The following XKRX variants were observed in gnomAD, a reference collection of about 807,000 sequenced individuals.
The protein encoded by XKRX is XK-related protein 2.
In XKRX, 11 loss-of-function variants were observed where a neutral mutation model predicts 22.4. The observed-to-expected ratio is 0.49, with a 90% CI of 0.31 to 0.81. The LOEUF (loss-of-function observed/expected upper bound fraction) is 0.81, where lower values mean the gene tolerates loss of function less well. XKRX is among the 40% of genes least tolerant of loss of function. The pLI is 0.05. For synonymous variants in XKRX, 114 were observed against 132.2 expected, an observed-to-expected ratio of 0.86 and a Z score of 0.94; for missense variants, 320 against 336.5, an observed-to-expected ratio of 0.95 and a Z score of 0.38.
intron 2 of XKRX, among the ~76,000 whole-genome samples, chrX:100,920,359 T>C (rs964135712): frequency 1.8e-5 from 2 of 111,266 alleles, no homozygotes; most frequent in Non-Finnish European, 3.8e-5. Flanking sequence ...TGACAGAATG[T>C]TTCATACAGT....
rs73563416 is a variant in XKRX at position 100,916,225 on chromosome X, C to A, written c.605-1142G>T. ...TCACATTGTACACCTTGAATATATA[C>A]AATAAAACAAAATAGATGCACAAAA... On this transcript the variant is annotated intron_variant, in intron 2 of 2. Transcript: ENST00000372956. 3.6e-3 allele frequency among the ~76,000 whole-genome samples: 394 copies of A among 110,876 alleles called. 2 individuals are homozygous for A. The highest frequency in any genetic ancestry group is 0.012 in the African/African-American group (380 of 30,500).
the XKRX span, chrX:100,887,524 G>C: frequency 2.2e-6 from 1 of 451,463 alleles, no homozygotes; most frequent in African/African-American, 2.4e-5. Context: ...CTTCTTTGTA[G>C]CAGCTAGGCC....
the XKRX span, among the ~76,000 whole-genome samples, chrX:100,902,705 T>C: frequency 9.0e-6 from 1 of 110,694 alleles, no homozygotes. Flanking sequence ...GATAAAAATG[T>C]TTGACAAACT....
chrX:100,910,585 T>TAAAA, downstream of XKRX: 2 of 153,411 alleles, frequency 1.3e-5, no homozygotes, highest in Non-Finnish European at 1.1e-5. Flanking sequence ...AATTCCGTCT[T>TAAAA]AAAAAAAAAA....
chrX:100,957,197 T>C, the XKRX span: 1 of 1,050,284 alleles, frequency 9.5e-7, no homozygotes, highest in Non-Finnish European at 1.3e-6. Flanking sequence ...TTTGGAGAGA[T>C]TTTGGCTTTG....
chrX:100,910,955 CG>C (rs920107904), downstream of XKRX: 4 of 560,467 alleles, frequency 7.1e-6, no homozygotes, highest in Admixed American at 9.4e-5. Flanking sequence ...AAAGACTCCA[CG>C]GGGATCAGTA....
the XKRX span, chrX:100,957,620 C>G: frequency 1.9e-6 from 1 of 527,320 alleles, no homozygotes; most frequent in Non-Finnish European, 3.1e-6. Flanking sequence ...GATGCAGTGC[C>G]TCTTTTGGAG....
chrX:100,949,746 A>G, the XKRX span, among the ~76,000 whole-genome samples: 2 of 111,917 alleles, frequency 1.8e-5, no homozygotes, highest in Non-Finnish European at 3.8e-5. Flanking sequence ...ACCAAGAATC[A>G]GAAAAATCTC....
the XKRX span, among the ~76,000 whole-genome samples, chrX:100,935,661 C>G: frequency 4.5e-5 from 5 of 112,202 alleles, no homozygotes; most frequent in Admixed American, 4.7e-4. Flanking sequence ...CAGGCCAAGA[C>G]TCTTCCTTCC....
intron 2 of XKRX, among the ~76,000 whole-genome samples, chrX:100,917,135 A>T (rs2085440280): frequency 9.1e-6 from 1 of 109,631 alleles, no homozygotes; most frequent in African/African-American, 3.3e-5. Context: ...AAAGAAAAAA[A>T]AATTAGCCAG....
intron 2 of XKRX, among the ~76,000 whole-genome samples, chrX:100,917,665 GAAAGA>G (rs1556193714): frequency 2.1e-5 from 1 of 47,288 alleles, no homozygotes; most frequent in South Asian, 1.4e-3. Flanking sequence ...AAGAAAGAAA[GAAAGA>G]AAGAAAAGAA....
chrX:100,928,528 T>G lies in XKRX; in HGVS notation c.-224A>C. On this transcript the variant is annotated 5_prime_UTR_variant, in exon 1 of 3. Transcript: ENST00000372956. The stretch of plus-strand genomic sequence containing the variant: ...AAAGCCCAGGAGTACCACTTTGAAC[T>G]TGACTCTTGATTGGCCCCGATTCCA... The G allele has an allele frequency of 9.7e-7, 1 of 1,030,252 alleles. No individual in the cohort carries two copies. The highest frequency in any genetic ancestry group is 3.6e-5 in the South Asian group (1 of 27,830). 84.9% of individuals were successfully genotyped at this position (1,030,252 alleles called of 1,213,427 possible). A position where few individuals can be genotyped will look rare whatever the true frequency, so the allele number is the denominator to read the frequency against.
Position 100,917,718 on chromosome X carries a change from G to GAACGAAAGAAAGAA in XKRX, c.605-2636_605-2635insTTCTTTCTTTCGTT, listed in dbSNP as rs2085451504. 1.7e-4 allele frequency among the ~76,000 whole-genome samples: 15 copies of GAACGAAAGAAAGAA among 85,760 alleles called. 1 individual carries two copies. Among genetic ancestry groups the GAACGAAAGAAAGAA allele is most frequent in the African/African-American group, 5.2e-4 (14 of 26,955 alleles). 74.5% of individuals were successfully genotyped at this position (85,760 alleles called of 115,157 possible). On this transcript the variant is annotated intron_variant, in intron 2 of 2. Coordinates refer to ENST00000372956, the MANE Select transcript of XKRX (RefSeq NM_212559.3). ...AGAAAGAAAGAAAGAAAGAAAGAAA[G>GAACGAAAGAAAGAA]AAAGAAATCCTTGGTTCAGCTGTAT...
chrX:100,911,942 T>C (rs1319182362), downstream of XKRX, among the ~76,000 whole-genome samples: 1 of 111,751 alleles, frequency 8.9e-6, no homozygotes, highest in African/African-American at 3.3e-5. Flanking sequence ...GGGGAGAATA[T>C]ACAGAAGGAA....
In XKRX at chrX:100,923,138, T is replaced by A. The variant is rs144171614; in HGVS notation, c.336-77A>T. On this transcript the variant is annotated intron_variant, in intron 1 of 2. Coordinates refer to ENST00000372956, the MANE Select transcript of XKRX (RefSeq NM_212559.3). ...GGTTGTAGTGAGGGAAAAAAATAAC[T>A]TGGGGAGGTTGTGCTACTTTATTTT... is the stretch of plus-strand genomic sequence containing the variant. 291 of 1,116,306 alleles carry A rather than the reference T, an allele frequency of 2.6e-4. 1 individual carries two copies. The African/African-American group carries it at 4.8e-3, about 19-fold the overall frequency. 92.0% of individuals were successfully genotyped at this position (1,116,306 alleles called of 1,213,427 possible).
chrX:100,905,746 T>A, the XKRX span, among the ~76,000 whole-genome samples: 1 of 112,054 alleles, frequency 8.9e-6, no homozygotes, highest in Non-Finnish European at 1.9e-5. Flanking sequence ...TTTATTTAAC[T>A]CATTGAGGAG....
chrX:100,915,259 T>C (rs1465503219), intron 2 of XKRX, among the ~76,000 whole-genome samples, 176 bp from the exon 3 acceptor site: 4 of 111,422 alleles, frequency 3.6e-5, no homozygotes, highest in Non-Finnish European at 7.5e-5. Flanking sequence ...TTGAATAGAC[T>C]TTCTCCGAAG....
At chrX:100,931,162 A>C (rs1305479225), upstream of XKRX, among the ~76,000 whole-genome samples, 1 of 109,774 alleles carries the variant, frequency 9.1e-6, no homozygotes, top group African/African-American at 3.3e-5. Context: ...ATAAAAAAAA[A>C]AAAAAACATG....
At chrX:100,917,718 G>T (rs75451019) in intron 2 of XKRX, among the ~76,000 whole-genome samples, 1,873 of 85,034 alleles carry the variant, frequency 0.022, 19 homozygotes, top group African/African-American at 0.031. Context: ...AAGAAAGAAA[G>T]AAAGAAATCC....
Sources: gnomAD v4.1 joint callset for allele counts (sites outside exome capture counted in the v4.1 genomes callset) on GRCh38, gnomAD v4.1.1 for gene constraint, MANE v1.5 for transcripts, NCBI Gene and HGNC (gene_info 2026-07-23, HGNC 2026-07-21) for gene names.